The following SGCD variants were observed in gnomAD, a reference collection of about 807,000 sequenced individuals.
SGCD encodes the protein delta-sarcoglycan.
In SGCD, 18 loss-of-function variants were observed where a neutral mutation model predicts 36.6. That is an observed-to-expected ratio of 0.49 (90% CI 0.34 to 0.73). The LOEUF is 0.73. Among genes scored for constraint, SGCD ranks in the 30% least tolerant of loss-of-function variants. SGCD has a pLI of 0.01. For missense variants in SGCD, 387 were observed against 346.7 expected, an observed-to-expected ratio of 1.12 and a Z score of -0.92; for synonymous variants, 133 against 130.6, an observed-to-expected ratio of 1.02 and a Z score of -0.12.
chr5:156,386,382 TA>T (rs1384246713), intron 3 of SGCD, among the ~76,000 whole-genome samples: 2 of 152,238 alleles, frequency 1.3e-5, no homozygotes, highest in Non-Finnish European at 2.9e-5. Context: ...TTTAAAATTT[TA>T]ATACAAATAT....
At chr5:155,782,762 T>C in the SGCD span, among the ~76,000 whole-genome samples, 2 of 152,148 alleles carry the variant, frequency 1.3e-5, no homozygotes, top group Non-Finnish European at 1.5e-5. Context: ...TGAACCCTAT[T>C]GTGAACTGCG....
chr5:156,044,591 GT>G (rs1759717683), intron 1 of SGCD, among the ~76,000 whole-genome samples: 1 of 152,160 alleles, frequency 6.6e-6, no homozygotes, highest in Non-Finnish European at 1.5e-5. Context: ...CATAATTGTA[GT>G]TGGTTCACTG....
At chr5:156,698,762 A>G (rs180908103) in intron 7 of SGCD, among the ~76,000 whole-genome samples, 3 of 152,040 alleles carry the variant, frequency 2.0e-5, no homozygotes, top group Non-Finnish European at 2.9e-5. Flanking sequence ...TACTTAGCCT[A>G]GGTAAGCCTC....
intron 3 of SGCD, among the ~76,000 whole-genome samples, chr5:156,268,083 C>A (rs1245352591): frequency 6.6e-6 from 1 of 152,118 alleles, no homozygotes; most frequent in Non-Finnish European, 1.5e-5. Context: ...TGAGAACATG[C>A]AGTATTTTGT....
intron 3 of SGCD, among the ~76,000 whole-genome samples, chr5:156,197,698 T>A (rs1764054217): frequency 6.6e-6 from 1 of 152,104 alleles, no homozygotes; most frequent in Non-Finnish European, 1.5e-5. Flanking sequence ...TACATGTGAT[T>A]TTTTTGCCTA....
chr5:156,349,169 A>G (rs1769104182), intron 3 of SGCD, among the ~76,000 whole-genome samples: 1 of 152,220 alleles, frequency 6.6e-6, no homozygotes, highest in South Asian at 2.1e-4. Context: ...AAAACCTAGG[A>G]AAAGCACTTC....
rs534354053 is a variant in SGCD, at chr5:156,728,794, C to A, written c.576-28787C>A. Among the ~76,000 whole-genome samples the A allele has an allele frequency of 2.0e-5, 3 of 152,202 alleles. No homozygotes were observed. In the South Asian group the frequency reaches 6.2e-4, roughly 32 times the overall value. On this transcript the variant is annotated intron_variant, in intron 7 of 8. Transcript: ENST00000337851. ...TTCAAACACATTCATAAACATGCTCCAAAATCACCTGAGTTGCAAAAACAT... is the reference window on the plus strand; with the variant it reads ...TTCAAACACATTCATAAACATGCTCAAAAATCACCTGAGTTGCAAAAACAT...
intron 3 of SGCD, among the ~76,000 whole-genome samples, chr5:156,365,678 G>A (rs1770058101): frequency 6.6e-6 from 1 of 151,912 alleles, no homozygotes; most frequent in South Asian, 2.1e-4. Flanking sequence ...GCATAAATAT[G>A]CCCATAAATA....
At chr5:155,966,987 GTGTGCGTA>G in intron 1 of SGCD, among the ~76,000 whole-genome samples, 1 of 151,584 alleles carries the variant, frequency 6.6e-6, no homozygotes, top group East Asian at 1.9e-4. Context: ...GTGTGTATAT[GTGTGCGTA>G]TGTGTGTATT....
chr5:156,236,616 A>G (rs536714692), intron 3 of SGCD, among the ~76,000 whole-genome samples: 7 of 151,300 alleles, frequency 4.6e-5, no homozygotes, highest in Non-Finnish European at 7.4e-5. Context: ...CGCCCAGCTA[A>G]TTTTTGTATT....
chr5:156,070,013 G>C (rs1171052283), intron 1 of SGCD, among the ~76,000 whole-genome samples: 17 of 151,926 alleles, frequency 1.1e-4, no homozygotes, highest in Non-Finnish European at 2.2e-4. Context: ...TTGCTTATCA[G>C]CTTAAGGAGA....
At chr5:156,730,124 A>G (rs1755980646) in intron 7 of SGCD, among the ~76,000 whole-genome samples, 1 of 152,208 alleles carries the variant, frequency 6.6e-6, no homozygotes, top group Admixed American at 6.5e-5. Flanking sequence ...TTACAAGTAT[A>G]TAATTAGAAT....
At chr5:155,924,358 G>T (rs140822509) in intron 1 of SGCD, among the ~76,000 whole-genome samples, 100 of 152,248 alleles carry the variant, frequency 6.6e-4, no homozygotes, top group South Asian at 4.1e-4. Context: ...GGGATGTCTT[G>T]CTATAGCAGG....
chr5:156,427,969 G>C (rs1448102107), intron 3 of SGCD, among the ~76,000 whole-genome samples: 1 of 152,068 alleles, frequency 6.6e-6, no homozygotes, highest in African/African-American at 2.4e-5. Context: ...TAGTGTCTGT[G>C]TTCATCAGGG....
At chr5:155,952,514 G>C (rs1239645472) in intron 1 of SGCD, among the ~76,000 whole-genome samples, 1 of 151,992 alleles carries the variant, frequency 6.6e-6, no homozygotes, top group African/African-American at 2.4e-5. Context: ...TGTCTGCCTT[G>C]GTCTTGCTGG....
At chr5:156,469,067 ATAT>A (rs1414663022) in intron 3 of SGCD, among the ~76,000 whole-genome samples, 1 of 152,122 alleles carries the variant, frequency 6.6e-6, no homozygotes, top group Non-Finnish European at 1.5e-5. Context: ...CATATTGTAA[ATAT>A]TATTTACGTC....
intron 3 of SGCD, among the ~76,000 whole-genome samples, chr5:156,183,841 C>T (rs899998548): frequency 3.3e-5 from 5 of 152,132 alleles, no homozygotes; most frequent in Non-Finnish European, 1.5e-5. Context: ...CAATCCTCAT[C>T]TTCTATAGTA....
intron 1 of SGCD, among the ~76,000 whole-genome samples, chr5:156,079,905 G>A (rs1338951226): frequency 6.6e-6 from 1 of 152,206 alleles, no homozygotes; most frequent in African/African-American, 2.4e-5. Context: ...ACTACACAGT[G>A]CCCACTGTGT....
At chr5:156,112,456 T>G (rs1169944566) in intron 1 of SGCD, among the ~76,000 whole-genome samples, 1 of 152,206 alleles carries the variant, frequency 6.6e-6, no homozygotes, top group African/African-American at 2.4e-5. Flanking sequence ...TAGTGTGTGC[T>G]GAGGATGGGA....
Sources: gnomAD v4.1 joint callset for allele counts (sites outside exome capture counted in the v4.1 genomes callset) on GRCh38, gnomAD v4.1.1 for gene constraint, MANE v1.5 for transcripts, NCBI Gene and HGNC (gene_info 2026-07-23, HGNC 2026-07-21) for gene names.